ANLN: variants seen among roughly 807,000 people sequenced by gnomAD.
The protein encoded by ANLN is anillin.
Under a neutral mutation model 135.1 loss-of-function variants are expected in ANLN, and 59 were observed. The observed-to-expected ratio is 0.44, with a 90% confidence interval of 0.35 to 0.54. ANLN has a LOEUF of 0.54. ANLN is among the 20% of genes least tolerant of loss of function. The pLI is 0.00. For synonymous variants in ANLN, 406 were observed against 456.4 expected (o/e 0.89, Z 1.41); for missense variants, 1,182 against 1,340.0 (o/e 0.88, Z 1.84).
rs1456618189 is a variant in ANLN at position 36,393,436 on chromosome 7, G to A, written c.19-2830G>A. Among the ~76,000 whole-genome samples the A allele has an allele frequency of 2.0e-5, 3 of 152,296 alleles. No individual in the cohort carries two copies. The East Asian group carries it at 5.8e-4, about 29-fold the overall frequency. ...AAACAGGCACTTCAAGAGAGGAGAA[G>A]CTGGAACAGGGATTTATGCCTAAAG... On this transcript the variant is annotated intron_variant, in intron 1 of 23. Transcript: ENST00000265748.
At position 36,415,782 on chromosome 7, in the gene ANLN, C is replaced by T; in HGVS notation, c.1420C>T (p.Leu474Phe). Residue 474 changes from leucine (L) to phenylalanine (F), a missense_variant, in exon 8 of 24, where the codon CTC (leucine) becomes TTC (phenylalanine). By Grantham distance (22) the Leu-to-Phe change is conservative (BLOSUM62 0). This residue lies in a region of ANLN where 1,022 missense variants were observed against 1,134.0 expected (regional missense o/e 0.90). Coordinates refer to ENST00000265748, the MANE Select transcript of ANLN (RefSeq NM_018685.5). ...GGAAACTCACTGTCAGAGCACTCCC[C>T]TCAAAAAACACCAAGGTGTTTCAAA... ...KQETHCQSTP[L>F]KKHQGVSKTQ... 6.2e-7 allele frequency: 1 copy of T among 1,604,836 alleles called. No homozygotes were observed. The highest frequency in any genetic ancestry group is 8.5e-7 in the Non-Finnish European group (1 of 1,177,150).
intron 21 of ANLN, among the ~76,000 whole-genome samples, chr7:36,443,494 C>A (rs1317654097): frequency 6.6e-6 from 1 of 151,800 alleles, no homozygotes; most frequent in African/African-American, 2.4e-5. Context: ...TTTTAAAAGT[C>A]TTAAAGTAGG....
At chr7:36,425,257 A>G (rs111350884) in intron 17 of ANLN, among the ~76,000 whole-genome samples, 3 of 149,504 alleles carry the variant, frequency 2.0e-5, no homozygotes, top group African/African-American at 7.4e-5. Flanking sequence ...TTACTCAAGG[A>G]CTCATGTGTA....
At chr7:36,411,599 C>T (rs1399135687) in intron 7 of ANLN, among the ~76,000 whole-genome samples, 3 of 152,160 alleles carry the variant, frequency 2.0e-5, no homozygotes, top group Admixed American at 2.0e-4. Context: ...GGTCAAAGTT[C>T]ATTAATCAGC....
chr7:36,419,583 AG>A (rs1382209826), intron 10 of ANLN, 104 bp downstream of exon 10: 10 of 964,940 alleles, frequency 1.0e-5, no homozygotes, highest in African/African-American at 1.6e-5. Flanking sequence ...TCAGTAGCCA[AG>A]GGAATTTTGC....
chr7:36,393,522 G>A (rs964472788), intron 1 of ANLN, among the ~76,000 whole-genome samples: 1 of 152,194 alleles, frequency 6.6e-6, no homozygotes, highest in Non-Finnish European at 1.5e-5. Context: ...TTACAAAGGG[G>A]TCCTGATGGG....
At chr7:36,426,656 G>A (rs939468465) in intron 19 of ANLN, among the ~76,000 whole-genome samples, 3 of 151,852 alleles carry the variant, frequency 2.0e-5, no homozygotes, top group Admixed American at 6.6e-5. Context: ...GTTTTTTATC[G>A]GGAAGTTGCT....
Position 36,399,356 on chromosome 7 carries a change from A to G in ANLN, c.450A>G (p.Ala150=). 2.5e-6 allele frequency: 4 copies of G among 1,613,530 alleles called. No homozygotes were observed. Among genetic ancestry groups the G allele is most frequent in the Non-Finnish European group, 3.4e-6 (4 of 1,179,694 alleles). The change falls in exon 3 of 24, where the codon GCA becomes GCG. Residue 150 remains alanine (A), a synonymous_variant. Transcript: ENST00000265748. ...TTAAAACACGTATGCAAAAACTTGC[A>G]GAGCAACGGCGCCGTTGGGATAATG... ...SSVKTRMQKL[A]EQRRRWDNDD...
intron 23 of ANLN, among the ~76,000 whole-genome samples, 158 bp downstream of exon 23, chr7:36,449,995 A>G (rs1258313763): frequency 1.3e-5 from 2 of 152,244 alleles, no homozygotes; most frequent in Non-Finnish European, 2.9e-5. Context: ...TGAACCATCT[A>G]TAATAACTAA....
At chr7:36,421,762 G>C in intron 12 of ANLN, 95 bp from the exon 13 acceptor site, 1 of 1,193,282 alleles carries the variant, frequency 8.4e-7, no homozygotes, top group Non-Finnish European at 1.1e-6. Flanking sequence ...GGAAATTCTA[G>C]AAACTATCCA....
At chr7:36,445,215 G>A (rs759914177) in intron 22 of ANLN, among the ~76,000 whole-genome samples, 2 of 96,822 alleles carry the variant, frequency 2.1e-5, no homozygotes, top group Non-Finnish European at 3.7e-5. Flanking sequence ...TGCATTATAC[G>A]TGCCAATTAA....
Position 36,406,450 on chromosome 7 carries a change from G to C in ANLN, c.757G>C (p.Val253Leu). ...ATCTGCTAGGATCAATAGCAGCAGT[G>C]TTAAGCAGGAAGCTACATTCTGTTC... is the stretch of plus-strand genomic sequence containing the variant. ...GASARINSSS[V>L]KQEATFCSQR... is the part of the protein sequence containing the mutation. The change falls in exon 4 of 24, where the codon GTT becomes CTT. Residue 253 changes from valine to leucine, a missense_variant. Coordinates refer to ENST00000265748, the MANE Select transcript of ANLN (RefSeq NM_018685.5). 6.2e-7 allele frequency: 1 copy of C among 1,612,404 alleles called. No homozygotes were observed. Among genetic ancestry groups the C allele is most frequent in the Non-Finnish European group, 8.5e-7 (1 of 1,178,748 alleles).
intron 20 of ANLN, among the ~76,000 whole-genome samples, chr7:36,429,881 G>A (rs1562811136): frequency 6.6e-6 from 1 of 152,094 alleles, no homozygotes. Flanking sequence ...TAACTCCTTT[G>A]AATTTATAAC....
chr7:36,403,452 A>C (rs1332830202), intron 3 of ANLN: 4 of 152,206 alleles, frequency 2.6e-5, no homozygotes, highest in Non-Finnish European at 5.9e-5. Flanking sequence ...GATGTCACAA[A>C]TAGAAAGGGA....
At chr7:36,425,644 CT>C in intron 17 of ANLN, 57 bp from the exon 18 acceptor site, 1 of 1,348,116 alleles carries the variant, frequency 7.4e-7, no homozygotes, top group South Asian at 1.3e-5. Flanking sequence ...GATAGTTTTA[CT>C]TTCTGAGACA....
chr7:36,443,578 A>G (rs1788865995), intron 21 of ANLN, among the ~76,000 whole-genome samples, 177 bp from the exon 22 acceptor site: 1 of 152,216 alleles, frequency 6.6e-6, no homozygotes, highest in South Asian at 2.1e-4. Context: ...TAAATTTCTG[A>G]TATGAATAAT....
At chr7:36,410,262 C>T (rs1447025965) in intron 5 of ANLN, among the ~76,000 whole-genome samples, 1 of 151,776 alleles carries the variant, frequency 6.6e-6, no homozygotes, top group Non-Finnish European at 1.5e-5. Context: ...GCCCTCTCCT[C>T]ATTCTACCTT....
At chr7:36,396,955 A>G (rs1486122367) in intron 2 of ANLN, among the ~76,000 whole-genome samples, 1 of 152,204 alleles carries the variant, frequency 6.6e-6, no homozygotes, top group Non-Finnish European at 1.5e-5. Flanking sequence ...ACACACAAAC[A>G]AAAACTCACC....
At chr7:36,408,532 G>C (rs1372075624) in intron 5 of ANLN, among the ~76,000 whole-genome samples, 2 of 152,138 alleles carry the variant, frequency 1.3e-5, no homozygotes, top group African/African-American at 2.4e-5. Flanking sequence ...TCAAATCAGT[G>C]TAACGAGGAT....
Sources: allele counts gnomAD v4.1 joint callset (sites outside exome capture counted in the v4.1 genomes callset), GRCh38; gene constraint gnomAD v4.1.1; regional missense constraint gnomAD v4.1.1; transcripts MANE v1.5; gene names NCBI Gene and HGNC (gene_info 2026-07-23, HGNC 2026-07-21).